Variants in PCSK5 observed in about 807,000 individuals in gnomAD.
PCSK5 encodes the protein proprotein convertase subtilisin/kexin type 5.
PCSK5 carries 129 observed loss-of-function variants against 233.2 expected under a neutral mutation model. That is an observed-to-expected ratio of 0.55 (90% CI 0.48 to 0.64). The LOEUF is 0.64. PCSK5 is among the 30% of genes least tolerant of loss of function. The pLI is 0.00. For synonymous variants in PCSK5, 825 were observed against 879.2 expected, an observed-to-expected ratio of 0.94 and a Z score of 1.09; for missense variants, 2,076 against 2,430.1, an observed-to-expected ratio of 0.85 and a Z score of 3.06.
At chr9:76,196,158 G>T (rs892800506) in intron 20 of PCSK5, among the ~76,000 whole-genome samples, 1 of 152,196 alleles carries the variant, frequency 6.6e-6, no homozygotes, top group Non-Finnish European at 1.5e-5. Context: ...ATCCATAAAG[G>T]CTTGGTATTG....
chr9:76,241,482 G>C (rs1384365108), intron 24 of PCSK5, among the ~76,000 whole-genome samples: 1 of 152,124 alleles, frequency 6.6e-6, no homozygotes, highest in East Asian at 1.9e-4. Context: ...CTGTTGCTTG[G>C]AGCCTAAGAC....
chr9:76,301,565 G>A (rs978640672), intron 27 of PCSK5, among the ~76,000 whole-genome samples: 4 of 152,188 alleles, frequency 2.6e-5, no homozygotes, highest in African/African-American at 9.6e-5. Context: ...GTTTACAGCT[G>A]GGCACGGTGG....
chr9:76,197,528 C>A (rs1374691512), intron 20 of PCSK5, among the ~76,000 whole-genome samples: 1 of 152,148 alleles, frequency 6.6e-6, no homozygotes, highest in Non-Finnish European at 1.5e-5. Context: ...AACATCTTAT[C>A]CCCCTCATGT....
chr9:75,998,282 C>T (rs952043047), intron 3 of PCSK5, among the ~76,000 whole-genome samples: 2 of 152,088 alleles, frequency 1.3e-5, no homozygotes, highest in African/African-American at 2.4e-5. Context: ...CTAATTCTGA[C>T]TTTTCTTTCA....
chr9:75,932,962 CTG>C (rs1823877354), intron 2 of PCSK5, among the ~76,000 whole-genome samples: 1 of 152,178 alleles, frequency 6.6e-6, no homozygotes, highest in Non-Finnish European at 1.5e-5. Context: ...CAGGACTAGA[CTG>C]TGTCTGGAAC....
chr9:76,330,638 A>T (rs1184472234), intron 33 of PCSK5, among the ~76,000 whole-genome samples: 1 of 152,236 alleles, frequency 6.6e-6, no homozygotes, highest in African/African-American at 2.4e-5. Context: ...AACATTAAAA[A>T]AAAATGTTTT....
At chr9:76,193,366 A>ATTTC (rs1564097610) in intron 20 of PCSK5, 3 of 1,602,478 alleles carry the variant, frequency 1.9e-6, no homozygotes, top group Non-Finnish European at 2.6e-6. Context: ...GCCATCTTAG[A>ATTTC]TTTCTTTGTT....
intron 1 of PCSK5, among the ~76,000 whole-genome samples, chr9:75,928,241 C>T (rs183836257): frequency 7.0e-4 from 106 of 152,172 alleles, no homozygotes; most frequent in African/African-American, 2.3e-3. Flanking sequence ...TTTTATACTT[C>T]ATATACTCCT....
At chr9:76,014,639 G>T (rs546654157) in intron 3 of PCSK5, among the ~76,000 whole-genome samples, 1 of 152,172 alleles carries the variant, frequency 6.6e-6, no homozygotes, top group East Asian at 1.9e-4. Flanking sequence ...TTTCCCACCG[G>T]ACCTATAAGC....
At chr9:76,322,904 A>G in intron 31 of PCSK5, 148 bp from the exon 32 acceptor site, 1 of 613,548 alleles carries the variant, frequency 1.6e-6, no homozygotes, top group Non-Finnish European at 2.9e-6. Flanking sequence ...TTAGACATCA[A>G]GTCTATGCCC....
At chr9:75,900,726 A>G (rs796652144) in intron 1 of PCSK5, among the ~76,000 whole-genome samples, 4 of 146,056 alleles carry the variant, frequency 2.7e-5, no homozygotes, top group African/African-American at 1.0e-4. Flanking sequence ...TTTACCCTGC[A>G]GTAAATCGGT....
At position 76,272,245 on chromosome 9, in the gene PCSK5, T is replaced by A. The variant is rs912929589; in HGVS notation, c.3143-19988T>A. Among the ~76,000 whole-genome samples the A allele has an allele frequency of 2.6e-5, 4 of 152,270 alleles. No homozygotes were observed. In the East Asian group the frequency reaches 7.7e-4, roughly 29 times the overall value. ...AGTCTTTTCTACTTCCTAAATATTTTTCGCTCTGTCTACTTCTACCCATCT... is the reference window on the plus strand; with the variant it reads ...AGTCTTTTCTACTTCCTAAATATTTATCGCTCTGTCTACTTCTACCCATCT... On this transcript the variant is annotated intron_variant, in intron 24 of 37. Transcript: ENST00000674117.
chr9:76,009,629 G>GA (rs71499123), intron 3 of PCSK5, among the ~76,000 whole-genome samples: 16,453 of 123,058 alleles, frequency 0.13, 1,065 homozygotes, highest in Middle Eastern at 0.25. Flanking sequence ...CCGTCTCAAG[G>GA]AAAAAAAAAA....
chr9:76,351,447 G>GAAAGGAAAGAA (rs1491332963), intron 36 of PCSK5, among the ~76,000 whole-genome samples: 2,433 of 27,304 alleles, frequency 0.089, 560 homozygotes, highest in Middle Eastern at 0.18. Flanking sequence ...GTGAAAGAAA[G>GAAAGGAAAGAA]GAAAGAAAGA....
chr9:75,944,187 ATATAT>A (rs1824454730), intron 2 of PCSK5, among the ~76,000 whole-genome samples: 1 of 149,818 alleles, frequency 6.7e-6, no homozygotes, highest in African/African-American at 2.4e-5. Flanking sequence ...GAAAAAAAAT[ATATAT>A]ATATATACAC....
intron 5 of PCSK5, among the ~76,000 whole-genome samples, chr9:76,045,736 A>G (rs961847121): frequency 1.3e-5 from 2 of 152,188 alleles, no homozygotes; most frequent in East Asian, 1.9e-4. Flanking sequence ...CTGACTTGTT[A>G]TGGTCTTCCT....
At chr9:75,976,738 T>C in intron 2 of PCSK5, among the ~76,000 whole-genome samples, 1 of 151,798 alleles carries the variant, frequency 6.6e-6, no homozygotes, top group East Asian at 1.9e-4. Context: ...TATTATGTTG[T>C]AATGTTAATA....
chr9:76,235,463 T>C (rs528895270), intron 22 of PCSK5, among the ~76,000 whole-genome samples: 5 of 152,012 alleles, frequency 3.3e-5, no homozygotes, highest in Non-Finnish European at 7.4e-5. Context: ...TACCTATAAA[T>C]GCACTGACAT....
At chr9:76,314,579 T>C (rs770943442) in intron 30 of PCSK5, among the ~76,000 whole-genome samples, 7 of 152,182 alleles carry the variant, frequency 4.6e-5, no homozygotes, top group Non-Finnish European at 7.3e-5. Context: ...GAGTTATTTA[T>C]AAGTTAGCAT....
Sources: gnomAD v4.1 joint callset for allele counts (sites outside exome capture counted in the v4.1 genomes callset) on GRCh38, gnomAD v4.1.1 for gene constraint, MANE v1.5 for transcripts, NCBI Gene and HGNC (gene_info 2026-07-23, HGNC 2026-07-21) for gene names.